DMBT1: variants seen among roughly 807,000 people sequenced by gnomAD.
DMBT1 encodes the protein scavenger receptor cysteine-rich domain-containing protein DMBT1.
In DMBT1, 198 loss-of-function variants were observed where a neutral mutation model predicts 252.9. The observed-to-expected ratio is 0.78, with a 90% CI of 0.70 to 0.88. DMBT1 has a LOEUF of 0.88. Ranked by LOEUF, DMBT1 falls within the 40% of genes least tolerant of loss-of-function variation. The pLI is 0.00. For synonymous variants in DMBT1, 990 were observed against 942.7 expected, an observed-to-expected ratio of 1.05 and a Z score of -0.92; for missense variants, 2,432 against 2,404.7, an observed-to-expected ratio of 1.01 and a Z score of -0.24.
At chr10:122,599,686 G>A (rs1247812109) in intron 26 of DMBT1, among the ~76,000 whole-genome samples, 1 of 152,234 alleles carries the variant, frequency 6.6e-6, no homozygotes, top group African/African-American at 2.4e-5. Context: ...CCCCCATGAG[G>A]CCGGCCAGGC....
At chr10:122,627,818 A>G (rs2098128969) in intron 46 of DMBT1, among the ~76,000 whole-genome samples, 1 of 152,228 alleles carries the variant, frequency 6.6e-6, no homozygotes, top group African/African-American at 2.4e-5. Flanking sequence ...TATCTAGGAT[A>G]TATAAGTGAC....
intron 46 of DMBT1, among the ~76,000 whole-genome samples, chr10:122,628,461 C>A (rs1591534217): frequency 6.6e-6 from 1 of 152,026 alleles, no homozygotes; most frequent in Non-Finnish European, 1.5e-5. Flanking sequence ...CGTGGTGAAA[C>A]CCTGTCTCTA....
chr10:122,569,188 T>C (rs545163427), intron 2 of DMBT1, among the ~76,000 whole-genome samples: 32 of 152,270 alleles, frequency 2.1e-4, no homozygotes, highest in African/African-American at 7.5e-4. Context: ...GTGGTTTTGA[T>C]GAGCAGCATC....
At chr10:122,617,398 C>G (rs1032813920) in intron 40 of DMBT1, 138 bp downstream of exon 40, 10 of 1,104,834 alleles carry the variant, frequency 9.1e-6, no homozygotes, top group Non-Finnish European at 1.2e-5. Flanking sequence ...GGTGGAGTTT[C>G]TAGGGAGTCA....
intron 10 of DMBT1, among the ~76,000 whole-genome samples, chr10:122,580,589 C>T (rs982674982): frequency 3.3e-5 from 5 of 152,088 alleles, no homozygotes; most frequent in Non-Finnish European, 7.4e-5. Flanking sequence ...CTCAGGAACA[C>T]CTAAGATGTG....
At chr10:122,584,219 C>A (rs2097772009) in intron 13 of DMBT1, 103 bp from the exon 14 acceptor site, 1 of 281,452 alleles carries the variant, frequency 3.6e-6, no homozygotes, top group African/African-American at 6.6e-5. Flanking sequence ...TGATGGGGAC[C>A]TAGGGTGGAC....
intron 52 of DMBT1, 118 bp downstream of exon 52, chr10:122,633,459 G>A (rs1039020809): frequency 4.0e-6 from 6 of 1,484,242 alleles, no homozygotes; most frequent in Non-Finnish European, 5.4e-6. Context: ...TTTCAAGAGG[G>A]AATAAATGGT....
chr10:122,621,409 T>A, intron 44 of DMBT1, 29 bp downstream of exon 44: 1 of 1,613,676 alleles, frequency 6.2e-7, no homozygotes, highest in Admixed American at 1.7e-5. Flanking sequence ...GGGCTCCCTC[T>A]CTTGGGGTGG....
rs551851268 is a variant in DMBT1, at chr10:122,600,599, C to T, written c.3311-392C>T. ...ATAATAAAGGTTTGTGATGTCACTG[C>T]TTAACCAGAAACCTGATTCCTGATT... On this transcript the variant is annotated intron_variant, in intron 27 of 55. Coordinates refer to ENST00000338354, the MANE Select transcript of DMBT1 (RefSeq NM_001377530.1). Among the ~76,000 whole-genome samples the T allele has an allele frequency of 2.0e-5, 3 of 152,280 alleles. No individual in the cohort carries two copies. The South Asian group carries it at 6.2e-4, about 32-fold the overall frequency.
chr10:122,568,625 A>T (rs1384185178), intron 2 of DMBT1, among the ~76,000 whole-genome samples: 2 of 152,100 alleles, frequency 1.3e-5, no homozygotes, highest in African/African-American at 4.8e-5. Flanking sequence ...AATGGAGGTG[A>T]CCGGTGTCAG....
In DMBT1 at chr10:122,599,098, G is replaced by A. The variant is rs752799165; in HGVS notation, c.3280+1G>A. On this transcript the variant is annotated splice_donor_variant, in intron 26 of 55. Coordinates refer to ENST00000338354, the MANE Select transcript of DMBT1 (RefSeq NM_001377530.1). LOFTEE classifies it high-confidence loss of function. ...GAAGACGCTGGTGTCATCTGCTCAG[G>A]TGGGCCTTCAAGAACTTGGGATCAC... The A allele has an allele frequency of 1.2e-6, 2 of 1,613,844 alleles. No individual in the cohort carries two copies. The highest frequency in any genetic ancestry group is 4.5e-5 in the East Asian group (2 of 44,888).
At position 122,591,533 on chromosome 10, in the gene DMBT1, AC is replaced by A. The variant is rs763944669; in HGVS notation, c.2176+20del. ...TCGACAGTAGGTAAATAATCCTCTC[AC>A]CCCTCCCTAGGGCTCACTCTCTACC... On this transcript the variant is annotated intron_variant, in intron 19 of 55. Coordinates refer to ENST00000338354, the MANE Select transcript of DMBT1 (RefSeq NM_001377530.1). The A allele has an allele frequency of 1.9e-6, 3 of 1,579,478 alleles. No homozygotes were observed. The highest frequency in any genetic ancestry group is 2.6e-6 in the Non-Finnish European group (3 of 1,158,808).
At position 122,592,696 on chromosome 10, in the gene DMBT1, G is replaced by T. The variant is rs974050301; in HGVS notation, c.2500+101G>T. 1.4e-5 allele frequency: 21 copies of T among 1,537,050 alleles called. 1 individual carries two copies. The highest frequency in any genetic ancestry group is 1.7e-4 in the Middle Eastern group (1 of 5,758). ...TCTCCTCACTCAAAGATTCTTCTAT[G>T]TTTCCTATATTTATGTAGTCTTGTT... On this transcript the variant is annotated intron_variant, in intron 20 of 55. Coordinates refer to ENST00000338354, the MANE Select transcript of DMBT1 (RefSeq NM_001377530.1).
intron 46 of DMBT1, among the ~76,000 whole-genome samples, chr10:122,627,547 C>T (rs186709603): frequency 2.2e-4 from 33 of 152,168 alleles, no homozygotes; most frequent in South Asian, 6.2e-4. Flanking sequence ...TTTAGTTAAA[C>T]GGTTACTAAT....
chr10:122,634,372 C>CTTTCTTTCTTTCTTTCTT (rs1591578834), intron 52 of DMBT1, among the ~76,000 whole-genome samples: 1 of 127,514 alleles, frequency 7.8e-6, no homozygotes, highest in African/African-American at 3.0e-5. Flanking sequence ...TTCTTTCTTT[C>CTTTCTTTCTTTCTTTCTT]TTTCTTTCTT....
intron 6 of DMBT1, among the ~76,000 whole-genome samples, chr10:122,576,049 G>T (rs1014870697): frequency 6.6e-6 from 1 of 152,186 alleles, no homozygotes; most frequent in African/African-American, 2.4e-5. Context: ...TGATGTTATC[G>T]TGCTGCTCTT....
At position 122,591,486 on chromosome 10, in the gene DMBT1, G is replaced by T. The variant is rs189226060; in HGVS notation, c.2145G>T (p.Leu715Phe). The change falls in exon 19 of 56, where the codon TTG (leucine) becomes TTT (phenylalanine). Residue 715 changes from leucine to phenylalanine, a missense_variant. By Grantham distance (22) the Leu-to-Phe change is conservative (BLOSUM62 0). Around this residue, in one of 3 missense-constraint regions of DMBT1, gnomAD observed 1,264 missense variants for 1,082.2 expected, o/e 1.17. Transcript: ENST00000338354. ...CTTTGTTGCAATTTACAGACACGTTGTCGACCATCACGTTACCTCCATCGA... is the reference window on the plus strand; with the variant it reads ...CTTTGTTGCAATTTACAGACACGTTTTCGACCATCACGTTACCTCCATCGA... ...QSRSTPRPDT[L>F]STITLPPSTV... The T allele has an allele frequency of 6.3e-7, 1 of 1,587,418 alleles. No individual in the cohort carries two copies. The highest frequency in any genetic ancestry group is 8.6e-7 in the Non-Finnish European group (1 of 1,165,022).
At position 122,587,518 on chromosome 10, in the gene DMBT1, T is replaced by C. The variant is rs1004120156; in HGVS notation, c.1783+1135T>C. Among the ~76,000 whole-genome samples, 22 of 148,334 alleles carry C rather than the reference T, an allele frequency of 1.5e-4. 2 individuals carry two copies. Among genetic ancestry groups the C allele is most frequent in the African/African-American group, 5.4e-4 (22 of 41,004 alleles). ...AATGCCTGTGGGCTGGGCTAGAAGATCACAGGCTGGATATTTTTTTTTTGC... is the reference window on the plus strand; with the variant it reads ...AATGCCTGTGGGCTGGGCTAGAAGACCACAGGCTGGATATTTTTTTTTTGC... On this transcript the variant is annotated intron_variant, in intron 16 of 55. Transcript: ENST00000338354.
Position 122,637,268 on chromosome 10 carries a change from G to T in DMBT1, c.6898G>T (p.Val2300Leu), listed in dbSNP as rs763076234. The change falls in exon 54 of 56, where the codon GTG (valine) becomes TTG (leucine). Residue 2300 changes from valine (V) to leucine (L), a missense_variant. Transcript: ENST00000338354. ...ECRPQITPNL[V>L]IFTIPYSGCG... ...TCGGCCCCAGATAACGCCGAACCTGGTGATATTCACAATTCCCTACTCAGG... is the reference window on the plus strand; with the variant it reads ...TCGGCCCCAGATAACGCCGAACCTGTTGATATTCACAATTCCCTACTCAGG... 1.1e-5 allele frequency: 18 copies of T among 1,613,702 alleles called. No homozygotes were observed. Among genetic ancestry groups the T allele is most frequent in the Non-Finnish European group, 1.5e-5 (18 of 1,179,796 alleles).
Sources: allele counts gnomAD v4.1 joint callset (sites outside exome capture counted in the v4.1 genomes callset), GRCh38; gene constraint gnomAD v4.1.1; regional missense constraint gnomAD v4.1.1; transcripts MANE v1.5; gene names NCBI Gene and HGNC (gene_info 2026-07-23, HGNC 2026-07-21).